SPAG16: variants seen among roughly 807,000 people sequenced by gnomAD.
The protein encoded by SPAG16 is sperm associated antigen 16.
SPAG16 carries 86 observed loss-of-function variants against 80.4 expected under a neutral mutation model. The observed-to-expected ratio is 1.07, with a 90% CI of 0.90 to 1.28. SPAG16 has a LOEUF of 1.28. SPAG16 is among the 50% of genes most tolerant of loss of function. The probability of loss-of-function intolerance (pLI) is 0.00; values close to 1 mark genes in which losing one functional copy is unlikely to be tolerated. For missense variants in SPAG16, 870 were observed against 765.3 expected (o/e 1.14, Z -1.61); for synonymous variants, 294 against 265.9 (o/e 1.11, Z -1.03).
chr2:213,345,990 A>T (rs1182354210), intron 6 of SPAG16, among the ~76,000 whole-genome samples: 1 of 152,192 alleles, frequency 6.6e-6, no homozygotes, highest in African/African-American at 2.4e-5. Context: ...CATTTTCACG[A>T]TATTGATTCT....
intron 15 of SPAG16, among the ~76,000 whole-genome samples, chr2:214,250,670 ATATAT>A (rs202025808): frequency 0.14 from 20,727 of 144,236 alleles, 1,563 homozygotes; most frequent in African/African-American, 0.17. Flanking sequence ...TTATATATTT[ATATAT>A]TATATCTATA....
In SPAG16 at chr2:214,107,560, A is replaced by C. The variant is rs151295011; in HGVS notation, c.1528-636A>C. On this transcript the variant is annotated intron_variant, in intron 13 of 15. Transcript: ENST00000331683. ...GTGTTATAGGTCCATCTTTCCCGGA[A>C]ACATTTAAACTGAAGCTGGGATGTT... Among the ~76,000 whole-genome samples, 1,379 of 152,278 alleles carry C rather than the reference A, an allele frequency of 9.1e-3. 10 individuals carry two copies. Among genetic ancestry groups the C allele is most frequent in the Non-Finnish European group, 0.016 (1,082 of 68,018 alleles).
intron 15 of SPAG16, among the ~76,000 whole-genome samples, chr2:214,174,089 G>A (rs1203335327): frequency 6.6e-6 from 1 of 151,884 alleles, no homozygotes; most frequent in Admixed American, 6.6e-5. Flanking sequence ...AATAATAAGA[G>A]CTATCTATCT....
intron 9 of SPAG16, among the ~76,000 whole-genome samples, chr2:213,414,381 G>A (rs2069141532): frequency 6.6e-6 from 1 of 152,038 alleles, no homozygotes; most frequent in African/African-American, 2.4e-5. Context: ...TAATTAATTA[G>A]ACATTTTTTA....
Position 213,997,173 on chromosome 2 carries a change from C to G in SPAG16, c.1401-16778C>G, listed in dbSNP as rs2046562840. 2.6e-5 allele frequency among the ~76,000 whole-genome samples: 4 copies of G among 152,098 alleles called. No individual in the cohort carries two copies. The South Asian group carries it at 8.3e-4, about 32-fold the overall frequency. On this transcript the variant is annotated intron_variant, in intron 12 of 15. Coordinates refer to ENST00000331683, the MANE Select transcript of SPAG16 (RefSeq NM_024532.5). ...GATAGCTTCACATAACCCACACTTTCCCTCCAAATATTCCTCATCTTTCAC... is the reference window on the plus strand; with the variant it reads ...GATAGCTTCACATAACCCACACTTTGCCTCCAAATATTCCTCATCTTTCAC...
chr2:214,009,725 G>C (rs1227783566), intron 12 of SPAG16, among the ~76,000 whole-genome samples: 1 of 152,120 alleles, frequency 6.6e-6, no homozygotes, highest in African/African-American at 2.4e-5. Flanking sequence ...AGAGATACAC[G>C]TCAGGGATTG....
At chr2:213,860,462 G>A (rs373126950) in intron 10 of SPAG16, among the ~76,000 whole-genome samples, 1 of 128,718 alleles carries the variant, frequency 7.8e-6, no homozygotes. Flanking sequence ...TATATATACA[G>A]ATATATCTAT....
chr2:213,486,797 TAATA>T (rs1056119066), intron 9 of SPAG16, among the ~76,000 whole-genome samples: 3 of 152,122 alleles, frequency 2.0e-5, no homozygotes, highest in Non-Finnish European at 2.9e-5. Context: ...AATTATTTCA[TAATA>T]AATAAGTGGA....
At chr2:213,684,741 G>C (rs988207938) in intron 10 of SPAG16, among the ~76,000 whole-genome samples, 18 of 152,116 alleles carry the variant, frequency 1.2e-4, no homozygotes, top group Non-Finnish European at 2.2e-4. Context: ...TGAAAAATAA[G>C]CTTATCCATT....
chr2:213,490,459 C>G lies in SPAG16; in HGVS notation c.1070+369C>G, dbSNP rs78457435. On this transcript the variant is annotated intron_variant, in intron 10 of 15. Coordinates refer to ENST00000331683, the MANE Select transcript of SPAG16 (RefSeq NM_024532.5). Reference sequence around the variant, plus strand: ...TGTACTTTTTCCCTGTTAATAAGTTCTTTTTACTTGTTTGTTATGAGGACT... The same window carrying G: ...TGTACTTTTTCCCTGTTAATAAGTTGTTTTTACTTGTTTGTTATGAGGACT... 8.7e-3 allele frequency among the ~76,000 whole-genome samples: 1,317 copies of G among 152,050 alleles called. 21 individuals carry two copies. The highest frequency in any genetic ancestry group is 0.03 in the African/African-American group (1,229 of 41,504).
At chr2:213,917,585 T>C (rs181729006) in intron 11 of SPAG16, among the ~76,000 whole-genome samples, 9 of 152,326 alleles carry the variant, frequency 5.9e-5, no homozygotes, top group South Asian at 2.1e-4. Context: ...TAGATGTTGT[T>C]GGTATATAGA....
intron 10 of SPAG16, among the ~76,000 whole-genome samples, chr2:213,547,604 G>A (rs534388767): frequency 1.3e-5 from 2 of 151,922 alleles, no homozygotes; most frequent in East Asian, 3.9e-4. Flanking sequence ...TGATTTTAGA[G>A]TAAAGAGTAT....
intron 13 of SPAG16, among the ~76,000 whole-genome samples, chr2:214,023,132 G>A (rs1173760220): frequency 6.6e-6 from 1 of 151,494 alleles, no homozygotes; most frequent in Non-Finnish European, 1.5e-5. Flanking sequence ...GTTTTCTCTG[G>A]GTATCTCTGT....
chr2:213,491,323 G>A (rs561142929), intron 10 of SPAG16, among the ~76,000 whole-genome samples: 16 of 152,226 alleles, frequency 1.1e-4, no homozygotes, highest in Non-Finnish European at 1.2e-4. Context: ...TGCCAATAAT[G>A]CATCTTCTAC....
At chr2:213,442,277 C>T (rs1434250409) in intron 9 of SPAG16, among the ~76,000 whole-genome samples, 1 of 152,188 alleles carries the variant, frequency 6.6e-6, no homozygotes, top group Non-Finnish European at 1.5e-5. Context: ...AATCAAAGAA[C>T]TAAATAAATG....
At chr2:214,143,239 T>G (rs2055459205) in intron 14 of SPAG16, among the ~76,000 whole-genome samples, 1 of 118,888 alleles carries the variant, frequency 8.4e-6, no homozygotes. Context: ...TTTGGGTTTT[T>G]TTTTTTTTTT....
At chr2:213,596,324 T>G (rs1007904022) in intron 10 of SPAG16, among the ~76,000 whole-genome samples, 2 of 152,090 alleles carry the variant, frequency 1.3e-5, no homozygotes, top group Non-Finnish European at 2.9e-5. Flanking sequence ...ATTTTAGATT[T>G]TGGTTTCTTG....
At chr2:213,364,757 A>C (rs1465421948) in intron 8 of SPAG16, 1 of 152,216 alleles carries the variant, frequency 6.6e-6, no homozygotes, top group Non-Finnish European at 1.5e-5. Context: ...TATACATAAC[A>C]ACACTACCTG....
intron 10 of SPAG16, among the ~76,000 whole-genome samples, chr2:213,636,651 C>T (rs192183255): frequency 4.6e-5 from 7 of 152,198 alleles, no homozygotes; most frequent in Admixed American, 2.0e-4. Flanking sequence ...TTGTAGTTCT[C>T]CTTGTACAGA....
Sources: gnomAD v4.1 joint callset for allele counts (sites outside exome capture counted in the v4.1 genomes callset) on GRCh38, gnomAD v4.1.1 for gene constraint, MANE v1.5 for transcripts, NCBI Gene and HGNC (gene_info 2026-07-23, HGNC 2026-07-21) for gene names.